The following GRAMD2B variants were observed in gnomAD, a reference collection of about 807,000 sequenced individuals.
GRAMD2B encodes GRAM domain-containing protein 2B.
GRAMD2B carries 41 observed loss-of-function variants against 59.2 expected under a neutral mutation model. The observed-to-expected ratio is 0.69, with a 90% CI of 0.54 to 0.90. The LOEUF (loss-of-function observed/expected upper bound fraction) is 0.90, where lower values mean the gene tolerates loss of function less well. Among genes scored for constraint, GRAMD2B ranks in the 40% least tolerant of loss-of-function variants. The pLI, the probability that GRAMD2B is intolerant of heterozygous loss-of-function variation, is 0.00. For synonymous variants in GRAMD2B, 161 were observed against 182.7 expected (o/e 0.88, Z 0.96); for missense variants, 424 against 500.5 (o/e 0.85, Z 1.46).
intron 1 of GRAMD2B, among the ~76,000 whole-genome samples, chr5:126,462,998 C>T (rs115085354): frequency 2.8e-4 from 43 of 152,274 alleles, no homozygotes; most frequent in South Asian, 8.3e-4. Context: ...CTAGGGGTCC[C>T]GAAACAGGAC....
chr5:126,437,278 T>G (rs1762564645), intron 1 of GRAMD2B, among the ~76,000 whole-genome samples: 1 of 152,178 alleles, frequency 6.6e-6, no homozygotes, highest in Admixed American at 6.5e-5. Flanking sequence ...TGAGAAATTC[T>G]GAGGAAATAA....
chr5:126,484,584 C>CTT (rs144250138), intron 10 of GRAMD2B, 60 bp downstream of exon 10: 1,890 of 1,258,826 alleles, frequency 1.5e-3, no homozygotes, highest in South Asian at 2.3e-3. Context: ...CTGTTTGTAA[C>CTT]TTTTTTTTTT....
At chr5:126,432,961 T>C (rs548092915) in intron 1 of GRAMD2B, among the ~76,000 whole-genome samples, 10 of 152,334 alleles carry the variant, frequency 6.6e-5, no homozygotes, top group African/African-American at 7.2e-5. Flanking sequence ...AGGGATTTGA[T>C]TGAGTACTCA....
intron 13 of GRAMD2B, among the ~76,000 whole-genome samples, chr5:126,490,048 G>T (rs538099692): frequency 2.6e-5 from 4 of 152,272 alleles, no homozygotes; most frequent in South Asian, 4.1e-4. Context: ...ACCAAGTCAG[G>T]TCAGAGAATT....
rs781541817 is a variant in GRAMD2B at position 126,488,858 on chromosome 5, A to G, written c.1223A>G (p.Gln408Arg). 6.2e-7 allele frequency: 1 copy of G among 1,613,710 alleles called. No homozygotes were observed. Among genetic ancestry groups the G allele is most frequent in the Non-Finnish European group, 8.5e-7 (1 of 1,179,676 alleles). ...QVQFNVEVLC[Q>R]ELTANIVKLE... is the part of the protein sequence containing the mutation. ...CAATTCAATGTGGAGGTTCTCTGTC[A>G]AGAGCTTACAGCTAACATAGTGAAA... Residue 408 changes from glutamine (Q) to arginine (R), a missense_variant, in exon 13 of 14, where the codon CAA (glutamine) becomes CGA (arginine). Gln to Arg is a conservative substitution (Grantham distance 43, BLOSUM62 1). Coordinates refer to ENST00000285689, the MANE Select transcript of GRAMD2B (RefSeq NM_023927.4).
At chr5:126,383,003 G>C (rs2149706968) in intron 1 of GRAMD2B, among the ~76,000 whole-genome samples, 1 of 152,252 alleles carries the variant, frequency 6.6e-6, no homozygotes, top group Non-Finnish European at 1.5e-5. Context: ...CAGGCTCTGG[G>C]CCGATACTGA....
At chr5:126,446,857 C>T (rs539968213) in intron 1 of GRAMD2B, among the ~76,000 whole-genome samples, 1 of 152,260 alleles carries the variant, frequency 6.6e-6, no homozygotes, top group South Asian at 2.1e-4. Context: ...CTCCTGGAAA[C>T]TTCTCCATTT....
At chr5:126,437,376 T>A (rs773105996) in intron 1 of GRAMD2B, among the ~76,000 whole-genome samples, 3 of 152,200 alleles carry the variant, frequency 2.0e-5, no homozygotes, top group Non-Finnish European at 4.4e-5. Flanking sequence ...CTGCGTGGAT[T>A]ATGATGCCAT....
At chr5:126,422,716 G>A (rs1759871482), upstream of GRAMD2B, among the ~76,000 whole-genome samples, 1 of 152,202 alleles carries the variant, frequency 6.6e-6, no homozygotes, top group Non-Finnish European at 1.5e-5. Flanking sequence ...GAACAGGCAA[G>A]TCAAAATGTC....
chr5:126,452,323 T>G (rs1244809700), intron 1 of GRAMD2B, among the ~76,000 whole-genome samples: 1 of 152,048 alleles, frequency 6.6e-6, no homozygotes, highest in Non-Finnish European at 1.5e-5. Flanking sequence ...GGCTCTACCC[T>G]CATAATCTAA....
At chr5:126,398,313 C>T (rs537621724) in intron 1 of GRAMD2B, among the ~76,000 whole-genome samples, 26 of 152,152 alleles carry the variant, frequency 1.7e-4, no homozygotes, top group African/African-American at 5.8e-4. Context: ...TCCTTATTTG[C>T]TAGTGGTCTG....
chr5:126,461,224 G>C (rs753135149), intron 1 of GRAMD2B, among the ~76,000 whole-genome samples: 1 of 152,084 alleles, frequency 6.6e-6, no homozygotes, highest in Non-Finnish European at 1.5e-5. Context: ...CAGCAGGAGC[G>C]GCAAAGGGCC....
intron 1 of GRAMD2B, 174 bp from the exon 2 acceptor site, chr5:126,465,252 C>G (rs1561564408): frequency 6.9e-7 from 1 of 1,447,112 alleles, no homozygotes; most frequent in African/African-American, 1.4e-5. Context: ...GTTGGGACAC[C>G]AGGCAAGGGG....
Position 126,480,833 on chromosome 5 carries a change from A to G in GRAMD2B, c.735+126A>G, listed in dbSNP as rs112216957. ...ACCAAAATATTTGAGGTACAGTTGA[A>G]GAAACAGGGCATATCTTCCTTGAAG... On this transcript the variant is annotated intron_variant, in intron 8 of 13. Coordinates refer to ENST00000285689, the MANE Select transcript of GRAMD2B (RefSeq NM_023927.4). The G allele has an allele frequency of 3.0e-4, 227 of 747,862 alleles. No individual in the cohort carries two copies. The African/African-American group carries it at 3.8e-3, about 12-fold the overall frequency. The allele number at this position is 747,862 out of a possible 1,614,324, so 46.3% of individuals were successfully genotyped here. A position where few individuals can be genotyped will look rare whatever the true frequency, so the allele number is the denominator to read the frequency against.
chr5:126,465,515 C>A lies in GRAMD2B; in HGVS notation c.173C>A (p.Ser58Tyr). ...QSPTPSVEAD[S>Y]PDQKKIISLW... is the part of the protein sequence containing the mutation. The stretch of plus-strand genomic sequence containing the variant: ...CCTACCCCATCTGTGGAGGCGGACT[C>A]CCCAGACCAGAAGAAAATCATTAGC... The change falls in exon 2 of 14, where the codon TCC becomes TAC. Residue 58 changes from serine to tyrosine, a missense_variant. By Grantham distance (144) the Ser-to-Tyr change is moderately radical (BLOSUM62 -2). Coordinates refer to ENST00000285689, the MANE Select transcript of GRAMD2B (RefSeq NM_023927.4). 6.2e-7 allele frequency: 1 copy of A among 1,613,992 alleles called. No homozygotes were observed. Among genetic ancestry groups the A allele is most frequent in the Non-Finnish European group, 8.5e-7 (1 of 1,179,978 alleles).
At chr5:126,425,693 G>A (rs1164893111) in intron 1 of GRAMD2B, among the ~76,000 whole-genome samples, 1 of 152,172 alleles carries the variant, frequency 6.6e-6, no homozygotes, top group African/African-American at 2.4e-5. Context: ...TTGAGCCCAG[G>A]CAGTTGAGGC....
chr5:126,364,681 T>G (rs1274403244), intron 1 of GRAMD2B, among the ~76,000 whole-genome samples: 1 of 152,236 alleles, frequency 6.6e-6, no homozygotes, highest in African/African-American at 2.4e-5. Context: ...CTATCCCCAC[T>G]AGTGATAGAT....
At chr5:126,438,124 G>C (rs1762718759) in intron 1 of GRAMD2B, among the ~76,000 whole-genome samples, 1 of 152,114 alleles carries the variant, frequency 6.6e-6, no homozygotes, top group Non-Finnish European at 1.5e-5. Context: ...TGTTCTCCTA[G>C]CCCATCAGCC....
intron 1 of GRAMD2B, chr5:126,371,623 C>T (rs1754760244): frequency 1.6e-6 from 2 of 1,241,718 alleles, no homozygotes; most frequent in African/African-American, 1.5e-5. Flanking sequence ...GCCTCAGCTA[C>T]CCAACTGGTG....
Sources: gnomAD v4.1 joint callset for allele counts (sites outside exome capture counted in the v4.1 genomes callset) on GRCh38, gnomAD v4.1.1 for gene constraint, MANE v1.5 for transcripts, NCBI Gene and HGNC (gene_info 2026-07-23, HGNC 2026-07-21) for gene names.